AQP9: variants seen among roughly 807,000 people sequenced by gnomAD.
The protein encoded by AQP9 is aquaporin 9.
Under a neutral mutation model 23.8 loss-of-function variants are expected in AQP9, and 19 were observed. The observed-to-expected ratio is 0.80, with a 90% CI of 0.56 to 1.17. The LOEUF is 1.17. Among genes scored for constraint, AQP9 ranks in the 50% most tolerant of loss-of-function variants. The pLI is 0.00. For synonymous variants in AQP9, 153 were observed against 131.5 expected (o/e 1.16, Z -1.12); for missense variants, 413 against 362.0 (o/e 1.14, Z -1.14).
At chr15:58,143,307 C>T (rs1897982777) in intron 1 of AQP9, among the ~76,000 whole-genome samples, 1 of 152,160 alleles carries the variant, frequency 6.6e-6, no homozygotes, top group African/African-American at 2.4e-5. Flanking sequence ...AGACTCGAGG[C>T]TGTCTTCTGT....
rs192596320 is a variant in AQP9 at position 58,139,192 on chromosome 15, A to G, written c.111+516A>G. On this transcript the variant is annotated intron_variant, in intron 1 of 5. Coordinates refer to ENST00000219919, the MANE Select transcript of AQP9 (RefSeq NM_020980.5). ...TGATTTTTAAGAAATTAAAAATTGC[A>G]CTAGGTAGAAATAGTGTACCAGGCA... Among the ~76,000 whole-genome samples, 346 of 152,358 alleles carry G rather than the reference A, an allele frequency of 2.3e-3. 4 individuals carry two copies. The highest frequency in any genetic ancestry group is 7.8e-3 in the African/African-American group (325 of 41,584).
chr15:58,138,182 G>C (rs1897890381), upstream of AQP9: 1 of 158,194 alleles, frequency 6.3e-6, no homozygotes, highest in African/African-American at 2.4e-5. Context: ...ATCTTTTCTG[G>C]ACCAGGGCCC....
In AQP9 at chr15:58,184,169, G is replaced by T. The variant is rs115922174; in HGVS notation, c.*34G>T. 407 of 1,600,280 alleles carry T rather than the reference G, an allele frequency of 2.5e-4. 1 individual carries two copies. In the African/African-American group the frequency reaches 4.6e-3, roughly 18 times the overall value. On this transcript the variant is annotated 3_prime_UTR_variant, in exon 6 of 6. Coordinates refer to ENST00000219919, the MANE Select transcript of AQP9 (RefSeq NM_020980.5). ...TCAGCTCTGGATTTGCAGTCAGTTTGGGATTCTCTTCAGAAAGATGGCATC... is the reference window on the plus strand; with the variant it reads ...TCAGCTCTGGATTTGCAGTCAGTTTTGGATTCTCTTCAGAAAGATGGCATC...
At chr15:58,151,003 C>T (rs1464284937) in intron 1 of AQP9, 1 of 152,146 alleles carries the variant, frequency 6.6e-6, no homozygotes, top group Non-Finnish European at 1.5e-5. Context: ...GATTTCGACT[C>T]ATTAGATTAT....
At chr15:58,157,784 T>C (rs1476343212) in intron 1 of AQP9, among the ~76,000 whole-genome samples, 4 of 152,042 alleles carry the variant, frequency 2.6e-5, no homozygotes, top group African/African-American at 7.2e-5. Flanking sequence ...CAAGGGGAGC[T>C]AGAAATCAAG....
intron 1 of AQP9, among the ~76,000 whole-genome samples, chr15:58,156,852 C>A (rs1266724685): frequency 6.6e-6 from 1 of 152,162 alleles, no homozygotes; most frequent in Non-Finnish European, 1.5e-5. Flanking sequence ...CATACAGGAT[C>A]TGGCTAAGGG....
Position 58,175,024 on chromosome 15 carries a change from A to G in AQP9, c.483A>G (p.Ala161=), listed in dbSNP as rs1436365900. 6.2e-7 allele frequency: 1 copy of G among 1,613,040 alleles called. No individual in the cohort carries two copies. The highest frequency in any genetic ancestry group is 1.1e-5 in the South Asian group (1 of 91,064). The change falls in exon 4 of 6, where the codon GCA becomes GCG. Residue 161 remains alanine, a synonymous_variant. Coordinates refer to ENST00000219919, the MANE Select transcript of AQP9 (RefSeq NM_020980.5). The stretch of plus-strand genomic sequence containing the variant: ...CTCCGTATCTATCTCTGGCGAACGC[A>G]TTTGCAGATCAAGTAAGTGTAGATT... The part of the protein sequence containing the change: ...YPAPYLSLAN[A]FADQVVATMI...
chr15:58,158,163 C>T (rs1432431589), intron 1 of AQP9, among the ~76,000 whole-genome samples: 1 of 152,066 alleles, frequency 6.6e-6, no homozygotes, highest in Non-Finnish European at 1.5e-5. Flanking sequence ...CCAGACAGCC[C>T]TTTGCTTTTC....
At position 58,138,913 on chromosome 15, in the gene AQP9, G is replaced by C. The variant is rs532477345; in HGVS notation, c.111+237G>C. ...TTGATGGGAATGGAAGAGAAGGAGT[G>C]AGTGAAGTGCCTTCTTTATTTCAGG... On this transcript the variant is annotated intron_variant, in intron 1 of 5. Transcript: ENST00000219919. 897 of 429,662 alleles carry C rather than the reference G, an allele frequency of 2.1e-3. 25 individuals are homozygous for C. The South Asian group carries it at 0.024, about 12-fold the overall frequency. 26.6% of individuals were successfully genotyped at this position (429,662 alleles called of 1,614,324 possible).
intron 4 of AQP9, among the ~76,000 whole-genome samples, chr15:58,176,703 C>G (rs1389101508): frequency 6.6e-6 from 1 of 151,226 alleles, no homozygotes; most frequent in Non-Finnish European, 1.5e-5. Context: ...CTCCACCTCC[C>G]AGGTTCAAGC....
In AQP9 at chr15:58,184,932, A is replaced by G. The variant is rs1898987492; in HGVS notation, c.*797A>G. 1 of 152,182 alleles carries G rather than the reference A, an allele frequency of 6.6e-6. No individual in the cohort carries two copies. The highest frequency in any genetic ancestry group is 1.5e-5 in the Non-Finnish European group (1 of 68,024). 9.4% of individuals were successfully genotyped at this position (152,182 alleles called of 1,614,324 possible). A position where few individuals can be genotyped will look rare whatever the true frequency, so the allele number is the denominator to read the frequency against. On this transcript the variant is annotated 3_prime_UTR_variant, in exon 6 of 6. Transcript: ENST00000219919. ...TACATCACTCTGTCTTTTTAGCTCA[A>G]ATGTATTTTCCTAATTGCCCACTTG...
At position 58,183,952 on chromosome 15, in the gene AQP9, T is replaced by G. The variant is rs749376493; in HGVS notation, c.714-9T>G. On this transcript the variant is annotated splice_polypyrimidine_tract_variant and intron_variant, in intron 5 of 5. Coordinates refer to ENST00000219919, the MANE Select transcript of AQP9 (RefSeq NM_020980.5). ...AGAAATGTATCACTAATTTCTTGTT[T>G]GATTTCAGAGCTGGAAACAACTTCT... 26 of 1,613,272 alleles carry G rather than the reference T, an allele frequency of 1.6e-5. No individual in the cohort carries two copies. The highest frequency in any genetic ancestry group is 2.2e-5 in the Non-Finnish European group (26 of 1,179,514).
At chr15:58,170,938 T>G (rs1162620497) in intron 2 of AQP9, among the ~76,000 whole-genome samples, 7 of 152,008 alleles carry the variant, frequency 4.6e-5, no homozygotes, top group Admixed American at 3.3e-4. Flanking sequence ...GGTTTTTTGT[T>G]GTTGTTGTTG....
intron 2 of AQP9, among the ~76,000 whole-genome samples, chr15:58,172,433 T>C (rs1475838365): frequency 6.6e-6 from 1 of 152,232 alleles, no homozygotes; most frequent in East Asian, 1.9e-4. Flanking sequence ...CCGATTTCTC[T>C]AGCTGGAGCT....
At position 58,179,081 on chromosome 15, in the gene AQP9, T is replaced by C. The variant is rs1286672819; in HGVS notation, c.496-47T>C. The C allele has an allele frequency of 1.1e-5, 15 of 1,353,686 alleles. No homozygotes were observed. In the South Asian group the frequency reaches 1.8e-4, roughly 16 times the overall value. The allele number at this position is 1,353,686 out of a possible 1,614,324, so 83.9% of individuals were successfully genotyped here. ...AAGGGATGATTTTGAGACATGCAGG[T>C]GAGCAGAATGCAGGCTAAAGCCCTG... On this transcript the variant is annotated intron_variant, in intron 4 of 5. Coordinates refer to ENST00000219919, the MANE Select transcript of AQP9 (RefSeq NM_020980.5).
intron 2 of AQP9, among the ~76,000 whole-genome samples, chr15:58,168,866 C>A (rs1485912831): frequency 2.6e-5 from 4 of 152,152 alleles, no homozygotes; most frequent in African/African-American, 4.8e-5. Context: ...GTAGGTGTAG[C>A]CATATTTTCA....
rs1566991242 is a variant in AQP9, at chr15:58,179,295, G to T, written c.663G>T (p.Leu221=). 2 of 1,614,098 alleles carry T rather than the reference G, an allele frequency of 1.2e-6. No individual in the cohort carries two copies. The highest frequency in any genetic ancestry group is 1.7e-6 in the Non-Finnish European group (2 of 1,180,006). Residue 221 remains leucine (L), a synonymous_variant, in exon 5 of 6, where the codon CTG becomes CTT. Transcript: ENST00000219919. ...GTGCCATGAACCCAGCTCGAGACCT[G>T]AGTCCCAGACTTTTCACTGCCTTGG... ...SGCAMNPARD[L]SPRLFTALAG... is the part of the protein sequence containing the mutation.
At chr15:58,160,182 GT>G (rs1213739400) in intron 1 of AQP9, among the ~76,000 whole-genome samples, 10 of 151,980 alleles carry the variant, frequency 6.6e-5, no homozygotes, top group Admixed American at 6.6e-4. Flanking sequence ...GATAAAAGCT[GT>G]TTTAACTGGG....
At position 58,184,517 on chromosome 15, in the gene AQP9, G is replaced by T. The variant is rs949887046; in HGVS notation, c.*382G>T. The T allele has an allele frequency of 6.1e-6, 1 of 164,232 alleles. No homozygotes were observed. Among genetic ancestry groups the T allele is most frequent in the Non-Finnish European group, 1.3e-5 (1 of 76,142 alleles). 10.2% of individuals were successfully genotyped at this position (164,232 alleles called of 1,614,324 possible). A position where few individuals can be genotyped will look rare whatever the true frequency, so the allele number is the denominator to read the frequency against. ...GGTGTCACCAAAACCCTTTTCTTCA[G>T]TATCGACAAAGATTACATTCTGAGT... is the stretch of plus-strand genomic sequence containing the variant. On this transcript the variant is annotated 3_prime_UTR_variant, in exon 6 of 6. Coordinates refer to ENST00000219919, the MANE Select transcript of AQP9 (RefSeq NM_020980.5).
Sources: gnomAD v4.1 joint callset for allele counts (sites outside exome capture counted in the v4.1 genomes callset) on GRCh38, gnomAD v4.1.1 for gene constraint, MANE v1.5 for transcripts, NCBI Gene and HGNC (gene_info 2026-07-23, HGNC 2026-07-21) for gene names.